Variants in XPR1 observed in about 807,000 individuals in gnomAD.
The protein encoded by XPR1 is xenotropic and polytropic retrovirus receptor 1.
XPR1 carries 28 observed loss-of-function variants against 87.5 expected under a neutral mutation model. The ratio of observed to expected loss-of-function variants is 0.32; its 90% CI spans 0.24 to 0.44. The LOEUF is 0.44. Ranked by LOEUF, XPR1 falls within the 20% of genes least tolerant of loss-of-function variation. The pLI is 1.00. For synonymous variants in XPR1, 300 were observed against 306.1 expected, an observed-to-expected ratio of 0.98 and a Z score of 0.21; for missense variants, 559 against 862.3, an observed-to-expected ratio of 0.65 and a Z score of 4.41.
intron 2 of XPR1, among the ~76,000 whole-genome samples, chr1:180,709,202 C>T (rs545256085): frequency 1.8e-4 from 27 of 152,274 alleles, no homozygotes; most frequent in South Asian, 4.1e-4. Flanking sequence ...AGGCATGAGC[C>T]GCCGTGCCCG....
At chr1:180,881,507 G>A (rs959723578) in intron 14 of XPR1, among the ~76,000 whole-genome samples, 2 of 152,190 alleles carry the variant, frequency 1.3e-5, no homozygotes, top group Admixed American at 1.3e-4. Flanking sequence ...CATTGTGAAA[G>A]TAGTATCCTA....
Position 180,825,245 on chromosome 1 carries a change from T to C in XPR1, c.1035T>C (p.Tyr345=), listed in dbSNP as rs777018839. Reference sequence around the variant, plus strand: ...CTCCAATTAGTGTCATCCCCACATATGTGTATCCACTTGCCCTTTATGGAT... The same window carrying C: ...CTCCAATTAGTGTCATCCCCACATACGTGTATCCACTTGCCCTTTATGGAT... ...FFAPISVIPT[Y]VYPLALYGFM... is the part of the protein sequence containing the mutation. The change falls in exon 9 of 15, where the codon TAT becomes TAC. Residue 345 remains tyrosine (Y), a synonymous_variant. Transcript: ENST00000367590. 3.7e-6 allele frequency: 6 copies of C among 1,614,140 alleles called. No homozygotes were observed. Among genetic ancestry groups the C allele is most frequent in the East Asian group, 2.2e-5 (1 of 44,878 alleles).
intron 4 of XPR1, among the ~76,000 whole-genome samples, chr1:180,803,983 T>C (rs574042229): frequency 1.3e-5 from 2 of 151,804 alleles, no homozygotes; most frequent in East Asian, 3.9e-4. Flanking sequence ...TTTTTTCCTT[T>C]CTTTTTTTTT....
intron 2 of XPR1, among the ~76,000 whole-genome samples, chr1:180,717,726 CT>C (rs944224800): frequency 6.6e-6 from 1 of 152,126 alleles, no homozygotes; most frequent in Non-Finnish European, 1.5e-5. Flanking sequence ...TGATAATTGT[CT>C]TTATCTCTTC....
chr1:180,672,501 T>C (rs367769949), intron 1 of XPR1, among the ~76,000 whole-genome samples: 1 of 152,214 alleles, frequency 6.6e-6, no homozygotes, highest in African/African-American at 2.4e-5. Context: ...ATTTAGTATG[T>C]TGATTCTTTG....
chr1:180,711,494 A>G (rs959309929), intron 2 of XPR1, among the ~76,000 whole-genome samples: 2 of 152,012 alleles, frequency 1.3e-5, no homozygotes, highest in African/African-American at 2.4e-5. Context: ...CGCGCCTGCA[A>G]TTGCAGGCAC....
At chr1:180,753,822 A>G (rs1647623871) in intron 2 of XPR1, among the ~76,000 whole-genome samples, 1 of 152,184 alleles carries the variant, frequency 6.6e-6, no homozygotes, top group Admixed American at 6.5e-5. Flanking sequence ...AAATTGGTGA[A>G]TATGTGTTTT....
chr1:180,767,826 T>C (rs939674678), intron 2 of XPR1, among the ~76,000 whole-genome samples: 3 of 151,994 alleles, frequency 2.0e-5, no homozygotes, highest in Non-Finnish European at 4.4e-5. Flanking sequence ...ATAATGAAGG[T>C]TTATTACTCT....
At chr1:180,878,220 A>T (rs1242089783) in intron 13 of XPR1, 1 of 152,142 alleles carries the variant, frequency 6.6e-6, no homozygotes, top group East Asian at 1.9e-4. Flanking sequence ...CCTCATGACG[A>T]TTTTCTTTTT....
chr1:180,731,767 CTG>C (rs1403144445), intron 2 of XPR1, among the ~76,000 whole-genome samples: 1 of 152,188 alleles, frequency 6.6e-6, no homozygotes, highest in Non-Finnish European at 1.5e-5. Context: ...TCAAAATCTG[CTG>C]TGTTTTTAAT....
chr1:180,763,188 T>A (rs559611301), intron 2 of XPR1, among the ~76,000 whole-genome samples: 10 of 152,204 alleles, frequency 6.6e-5, no homozygotes, highest in Non-Finnish European at 1.5e-4. Context: ...ATAAAAACAC[T>A]GTCTTGAACA....
At chr1:180,662,005 CTT>C (rs1368697177) in intron 1 of XPR1, among the ~76,000 whole-genome samples, 6 of 152,090 alleles carry the variant, frequency 3.9e-5, no homozygotes, top group African/African-American at 1.4e-4. Context: ...CACTTTTTAA[CTT>C]TGTTTCTATT....
intron 2 of XPR1, among the ~76,000 whole-genome samples, chr1:180,720,886 T>G (rs1379132780): frequency 1.3e-5 from 2 of 152,182 alleles, no homozygotes; most frequent in African/African-American, 4.8e-5. Context: ...CATATCAGTA[T>G]GTATAAAAGA....
intron 2 of XPR1, among the ~76,000 whole-genome samples, chr1:180,746,240 C>A (rs1647243202): frequency 1.3e-5 from 2 of 152,038 alleles, no homozygotes; most frequent in South Asian, 4.2e-4. Flanking sequence ...TGCATTTTAC[C>A]CAGTGTGTAG....
intron 2 of XPR1, among the ~76,000 whole-genome samples, chr1:180,745,367 A>G (rs1659057856): frequency 6.6e-6 from 1 of 152,212 alleles, no homozygotes; most frequent in Non-Finnish European, 1.5e-5. Flanking sequence ...AGCAAGAGAG[A>G]GAGCACGAGT....
intron 7 of XPR1, among the ~76,000 whole-genome samples, chr1:180,823,798 C>A (rs1337756702): frequency 1.3e-5 from 2 of 152,186 alleles, no homozygotes; most frequent in Non-Finnish European, 1.5e-5. Flanking sequence ...AAGCAAATGA[C>A]AACCTCTCTG....
At chr1:180,659,501 C>G (rs1476611741) in intron 1 of XPR1, among the ~76,000 whole-genome samples, 1 of 142,480 alleles carries the variant, frequency 7.0e-6, no homozygotes, top group Non-Finnish European at 1.5e-5. Context: ...CTTCCTCCCT[C>G]TCTGTTGCCC....
intron 2 of XPR1, among the ~76,000 whole-genome samples, chr1:180,741,337 T>TA (rs1309486802): frequency 6.6e-6 from 1 of 152,040 alleles, no homozygotes; most frequent in Non-Finnish European, 1.5e-5. Flanking sequence ...CTAATTTTTT[T>TA]GTATTTTTAG....
intron 1 of XPR1, among the ~76,000 whole-genome samples, chr1:180,663,207 G>A (rs1655836547): frequency 6.6e-6 from 1 of 152,166 alleles, no homozygotes; most frequent in Non-Finnish European, 1.5e-5. Context: ...TGGTGTTTGG[G>A]CATTCAAGAG....
Sources: gnomAD v4.1 joint callset for allele counts (sites outside exome capture counted in the v4.1 genomes callset) on GRCh38, gnomAD v4.1.1 for gene constraint, MANE v1.5 for transcripts, NCBI Gene and HGNC (gene_info 2026-07-23, HGNC 2026-07-21) for gene names.